Variants in SYT10 observed in about 807,000 individuals in gnomAD.
SYT10 encodes the protein synaptotagmin-10.
A neutral mutation model predicts 51.1 loss-of-function variants in SYT10; 31 were observed. That is an observed-to-expected ratio of 0.61 (90% CI 0.46 to 0.82). The LOEUF is 0.82. Among genes scored for constraint, SYT10 ranks in the 40% least tolerant of loss-of-function variants. The pLI is 0.00. For synonymous variants in SYT10, 233 were observed against 225.9 expected, an observed-to-expected ratio of 1.03 and a Z score of -0.28; for missense variants, 603 against 634.0, an observed-to-expected ratio of 0.95 and a Z score of 0.53.
chr12:33,383,494 G>A (rs192367789), intron 4 of SYT10, among the ~76,000 whole-genome samples: 104 of 152,196 alleles, frequency 6.8e-4, no homozygotes, highest in African/African-American at 2.3e-3. Context: ...CAAGGTATTC[G>A]TGGCTGGAAA....
intron 6 of SYT10, among the ~76,000 whole-genome samples, chr12:33,378,437 C>A (rs551890638): frequency 1.3e-5 from 2 of 152,150 alleles, no homozygotes; most frequent in Non-Finnish European, 2.9e-5. Context: ...CCTGCATCAT[C>A]CCTGTGAAGC....
intron 2 of SYT10, among the ~76,000 whole-genome samples, chr12:33,420,243 T>C (rs1866490734): frequency 6.6e-6 from 1 of 152,224 alleles, no homozygotes; most frequent in Non-Finnish European, 1.5e-5. Context: ...GTCTTTATTA[T>C]GGCAGAGAGT....
intron 2 of SYT10, among the ~76,000 whole-genome samples, chr12:33,415,171 C>A (rs1427063938): frequency 6.6e-6 from 1 of 152,216 alleles, no homozygotes; most frequent in Non-Finnish European, 1.5e-5. Context: ...AGGCACATCA[C>A]TTAACTTGTT....
At chr12:33,379,611 A>T (rs1436842804) in intron 6 of SYT10, among the ~76,000 whole-genome samples, 1 of 151,320 alleles carries the variant, frequency 6.6e-6, no homozygotes, top group East Asian at 1.9e-4. Flanking sequence ...TGTCCAAAAG[A>T]ATATGAAGCC....
intron 5 of SYT10, among the ~76,000 whole-genome samples, chr12:33,380,173 A>G (rs768316322): frequency 2.0e-5 from 3 of 152,230 alleles, no homozygotes; most frequent in Non-Finnish European, 4.4e-5. Flanking sequence ...TAAGAGGCAC[A>G]CACAAACCAT....
intron 6 of SYT10, among the ~76,000 whole-genome samples, chr12:33,379,576 AAAAAG>A: frequency 1.4e-5 from 2 of 146,944 alleles, no homozygotes; most frequent in African/African-American, 5.2e-5. Flanking sequence ...AAAAAAAAAA[AAAAAG>A]AGACTTGCAA....
chr12:33,382,072 A>G (rs1866119930), intron 5 of SYT10, among the ~76,000 whole-genome samples: 1 of 152,168 alleles, frequency 6.6e-6, no homozygotes, highest in Admixed American at 6.6e-5. Context: ...TTGTTACTAT[A>G]AAAAGACTCC....
chr12:33,384,340 T>C (rs1866139951), intron 4 of SYT10, among the ~76,000 whole-genome samples: 1 of 152,150 alleles, frequency 6.6e-6, no homozygotes, highest in South Asian at 2.1e-4. Flanking sequence ...AGTTCTCTTA[T>C]GTTTTTTTTT....
chr12:33,377,455 T>C (rs1866073127), intron 6 of SYT10, among the ~76,000 whole-genome samples: 1 of 151,964 alleles, frequency 6.6e-6, no homozygotes, highest in Non-Finnish European at 1.5e-5. Context: ...GAGACTGCAT[T>C]CCACTTGCTT....
chr12:33,395,088 A>G (rs1057057609), intron 3 of SYT10, among the ~76,000 whole-genome samples: 1 of 152,254 alleles, frequency 6.6e-6, no homozygotes, highest in African/African-American at 2.4e-5. Flanking sequence ...ACTCCGTCTC[A>G]AAACAAACAA....
chr12:33,421,208 C>T (rs1465999630), intron 2 of SYT10, among the ~76,000 whole-genome samples: 1 of 152,136 alleles, frequency 6.6e-6, no homozygotes, highest in Non-Finnish European at 1.5e-5. Flanking sequence ...AAGCATTACG[C>T]TTCTAATCAA....
intron 2 of SYT10, among the ~76,000 whole-genome samples, chr12:33,420,342 T>C (rs1364293982): frequency 1.3e-5 from 2 of 152,140 alleles, no homozygotes; most frequent in Admixed American, 6.6e-5. Context: ...TAATTTACCC[T>C]AAGATTCCTG....
Position 33,407,239 on chromosome 12 carries a change from T to C in SYT10, c.627A>G (p.Ile209Met), listed in dbSNP as rs141789630. The C allele has an allele frequency of 1.5e-5, 25 of 1,614,202 alleles. No individual in the cohort carries two copies. In the African/African-American group the frequency reaches 2.5e-4, roughly 16 times the overall value. Residue 209 changes from isoleucine (I) to methionine (M), a missense_variant, in exon 3 of 7, where the codon ATA becomes ATG. Coordinates refer to ENST00000228567, the MANE Select transcript of SYT10 (RefSeq NM_198992.4). ...ATTTCTGTTTGTAGAGTTCTGGCTTTATCCTCCCAATGCTGGTTGTTGTTT... is the reference window on the plus strand; with the variant it reads ...ATTTCTGTTTGTAGAGTTCTGGCTTCATCCTCCCAATGCTGGTTGTTGTTT... The part of the protein sequence containing the change: ...RGETTTSIGR[I>M]KPELYKQKSV...
At chr12:33,382,220 C>T (rs1866121239) in intron 5 of SYT10, 129 bp downstream of exon 5, 1 of 892,300 alleles carries the variant, frequency 1.1e-6, no homozygotes, top group African/African-American at 1.7e-5. Flanking sequence ...AATGAATTTT[C>T]AAGGAATCAT....
intron 1 of SYT10, chr12:33,432,757 T>C (rs1330959840): frequency 1.3e-5 from 2 of 152,104 alleles, no homozygotes; most frequent in Non-Finnish European, 2.9e-5. Context: ...AAAAATTGAC[T>C]GTCATGTTAT....
At chr12:33,436,204 G>A (rs1176238019) in intron 1 of SYT10, among the ~76,000 whole-genome samples, 1 of 152,052 alleles carries the variant, frequency 6.6e-6, no homozygotes. Context: ...GTTTAAAAAC[G>A]ATTATATATA....
intron 6 of SYT10, among the ~76,000 whole-genome samples, chr12:33,377,754 A>G (rs538295623): frequency 6.6e-6 from 1 of 150,994 alleles, no homozygotes; most frequent in Admixed American, 6.6e-5. Context: ...CAGCCTCCCA[A>G]GTAGCTTGGA....
At chr12:33,406,755 T>TA (rs1394244787) in intron 3 of SYT10, 34 bp downstream of exon 3, 1 of 1,524,884 alleles carries the variant, frequency 6.6e-7, no homozygotes, top group African/African-American at 1.4e-5. Flanking sequence ...GTAAGTCAAA[T>TA]AAAAAACAAT....
chr12:33,408,542 A>G (rs191242863), intron 2 of SYT10, among the ~76,000 whole-genome samples: 46 of 152,268 alleles, frequency 3.0e-4, no homozygotes, highest in Admixed American at 2.5e-3. Context: ...GTGCCAAACT[A>G]CCCATCTCCT....
Sources: gnomAD v4.1 joint callset for allele counts (sites outside exome capture counted in the v4.1 genomes callset) on GRCh38, gnomAD v4.1.1 for gene constraint, MANE v1.5 for transcripts, NCBI Gene and HGNC (gene_info 2026-07-23, HGNC 2026-07-21) for gene names.